Variants in ZNF574 observed in about 807,000 individuals in gnomAD.
ZNF574 encodes zinc finger protein 574.
ZNF574 carries 25 observed loss-of-function variants against 56.6 expected under a neutral mutation model. The observed-to-expected ratio is 0.44, with a 90% CI of 0.32 to 0.62. The LOEUF (loss-of-function observed/expected upper bound fraction) is 0.62, where lower values mean the gene tolerates loss of function less well. Ranked by LOEUF, ZNF574 falls within the 20% of genes least tolerant of loss-of-function variation. The probability of loss-of-function intolerance (pLI) is 0.04; values close to 1 mark genes in which losing one functional copy is unlikely to be tolerated. For synonymous variants in ZNF574, 543 were observed against 492.1 expected, an observed-to-expected ratio of 1.10 and a Z score of -1.37; for missense variants, 1,065 against 1,218.9, an observed-to-expected ratio of 0.87 and a Z score of 1.88.
chr19:42,070,117 T>C (rs1396279120), intron 1 of ZNF574, among the ~76,000 whole-genome samples: 1 of 152,050 alleles, frequency 6.6e-6, no homozygotes, highest in Non-Finnish European at 1.5e-5. Context: ...CCTGCCTCCC[T>C]GCCGCTGGCT....
chr19:42,079,401 G>T lies in ZNF574; in HGVS notation c.795G>T (p.Gln265His), dbSNP rs201304048. 10 of 1,613,660 alleles carry T rather than the reference G, an allele frequency of 6.2e-6. No homozygotes were observed. The Admixed American group carries it at 6.7e-5, about 11-fold the overall frequency. Residue 265 changes from glutamine to histidine, a missense_variant, in exon 2 of 2, where the codon CAG (glutamine) becomes CAT (histidine). Physicochemically the swap from Gln to His is conservative, Grantham distance 24. Transcript: ENST00000359044. This position sits in a 1 kb window ranked among gnomAD's most constrained non-coding sequence, Gnocchi z 4.3. ...CACCTGCAGAGGTGCCTGTGTCTCAGCCTGACCCCTTGCCAGCTTCTGACC... is the reference window on the plus strand; with the variant it reads ...CACCTGCAGAGGTGCCTGTGTCTCATCCTGACCCCTTGCCAGCTTCTGACC... ...ASSPAEVPVS[Q>H]PDPLPASDHS...
chr19:42,070,133 C>T (rs1251888106), intron 1 of ZNF574, among the ~76,000 whole-genome samples: 2 of 152,080 alleles, frequency 1.3e-5, no homozygotes, highest in African/African-American at 4.8e-5. Flanking sequence ...TGGCTGCCGC[C>T]ACCGCTCAGT....
Position 42,081,440 on chromosome 19 carries a change from T to C in ZNF574, c.*143T>C. On this transcript the variant is annotated 3_prime_UTR_variant, in exon 2 of 2. Coordinates refer to ENST00000359044, the MANE Select transcript of ZNF574 (RefSeq NM_022752.6). Reference sequence around the variant, plus strand: ...GTTCTAAATTGGATTTATTCTCTCGTGAGGGGGGTGCTCTGGGGTCCTTGA... The same window carrying C: ...GTTCTAAATTGGATTTATTCTCTCGCGAGGGGGGTGCTCTGGGGTCCTTGA... 8.7e-7 allele frequency: 1 copy of C among 1,146,540 alleles called. No individual in the cohort carries two copies. The highest frequency in any genetic ancestry group is 1.3e-6 in the Non-Finnish European group (1 of 783,066). The allele number at this position is 1,146,540 out of a possible 1,614,324, so 71.0% of individuals were successfully genotyped here. A position where few individuals can be genotyped will look rare whatever the true frequency, so the allele number is the denominator to read the frequency against.
Position 42,079,958 on chromosome 19 carries a change from C to G in ZNF574, c.1352C>G (p.Pro451Arg). ...GGAGAGCCAGAGGCCCCTGAGCCCC[C>G]TGTGTCTGAGGAGACCTCAGCAGGG... ...ETGEPEAPEPPVSEETSAGPA... is the reference protein window; with the variant it reads ...ETGEPEAPEPRVSEETSAGPA... The change falls in exon 2 of 2, where the codon CCT becomes CGT. Residue 451 changes from proline to arginine, a missense_variant. Physicochemically the swap from Pro to Arg is moderately radical, Grantham distance 103 (BLOSUM62 -2). Coordinates refer to ENST00000359044, the MANE Select transcript of ZNF574 (RefSeq NM_022752.6). The surrounding 1 kb of genome is among the most constrained non-coding windows in gnomAD (Gnocchi z 4.3). The G allele has an allele frequency of 6.2e-7, 1 of 1,613,896 alleles. No homozygotes were observed. The highest frequency in any genetic ancestry group is 8.5e-7 in the Non-Finnish European group (1 of 1,180,028).
Position 42,068,958 on chromosome 19 carries a change from CG to C in ZNF574, c.250+1del. On this transcript the variant is annotated frameshift_variant and splice_region_variant, in exon 1 of 2. Transcript: ENST00000222339. LOFTEE classifies it high-confidence loss of function. ...CAGGGGCACGGACATGCCAGGGGCC[CG>C]GGGTAAGTGAGAGCCCAAGTAAGAG... is the stretch of plus-strand genomic sequence containing the variant. The C allele has an allele frequency of 1.6e-6, 1 of 610,200 alleles. No homozygotes were observed. The highest frequency in any genetic ancestry group is 3.0e-6 in the Non-Finnish European group (1 of 337,956). 37.8% of individuals were successfully genotyped at this position (610,200 alleles called of 1,614,324 possible). A position where few individuals can be genotyped will look rare whatever the true frequency, so the allele number is the denominator to read the frequency against.
In ZNF574 at chr19:42,068,840, TG is replaced by T; in HGVS notation, c.133del (p.Asp45ThrfsTer11). On this transcript the variant is annotated frameshift_variant, in exon 1 of 2. Coordinates refer to the ZNF574 transcript ENST00000222339. LOFTEE classifies it high-confidence loss of function. ...TCCAGGAGATAGAGACTGGACGGGG[TG>T]GGGACAGGGCCAAGGCCCACCGCAG... is the stretch of plus-strand genomic sequence containing the variant. 3.0e-6 allele frequency: 2 copies of T among 664,828 alleles called. No individual in the cohort carries two copies. The highest frequency in any genetic ancestry group is 5.5e-6 in the Non-Finnish European group (2 of 365,092). The allele number at this position is 664,828 out of a possible 1,614,324, so 41.2% of individuals were successfully genotyped here.
Position 42,081,375 on chromosome 19 carries a change from T to G in ZNF574, c.*78T>G. ...CAGCATCCCCTTAAGCATCTGTACATACTGTGTCCCTTCCTCTTCCCATCC... is the reference window on the plus strand; with the variant it reads ...CAGCATCCCCTTAAGCATCTGTACAGACTGTGTCCCTTCCTCTTCCCATCC... On this transcript the variant is annotated 3_prime_UTR_variant, in exon 2 of 2. Transcript: ENST00000359044. 1 of 1,554,788 alleles carries G rather than the reference T, an allele frequency of 6.4e-7. No homozygotes were observed. Among genetic ancestry groups the G allele is most frequent in the Non-Finnish European group, 8.9e-7 (1 of 1,127,392 alleles).
At chr19:42,069,569 A>G (rs1008404295) in intron 1 of ZNF574, 1 of 115,254 alleles carries the variant, frequency 8.7e-6, no homozygotes, top group Non-Finnish European at 1.7e-5. Context: ...GTGAAAACGG[A>G]AGGGGGGGGC....
intron 1 of ZNF574, among the ~76,000 whole-genome samples, chr19:42,069,658 G>T (rs1008019441): frequency 6.7e-6 from 1 of 149,356 alleles, no homozygotes; most frequent in Non-Finnish European, 1.5e-5. Flanking sequence ...GGCCTGGGGG[G>T]GCCACAGGGG....
upstream of ZNF574, among the ~76,000 whole-genome samples, chr19:42,072,767 T>C (rs535594072): frequency 2.3e-3 from 344 of 152,314 alleles, 1 homozygote; most frequent in African/African-American, 7.9e-3. Context: ...AGTTTCTCCA[T>C]GTTGGTCAGG....
rs200455234 is a variant in ZNF574, at chr19:42,080,237, C to T, written c.1631C>T (p.Thr544Ile). Residue 544 changes from threonine (T) to isoleucine (I), a missense_variant, in exon 2 of 2, where the codon ACA becomes ATA. Physicochemically the swap from Thr to Ile is moderately conservative, Grantham distance 89 (BLOSUM62 -1). Coordinates refer to ENST00000359044, the MANE Select transcript of ZNF574 (RefSeq NM_022752.6). This position sits in a 1 kb window ranked among gnomAD's most constrained non-coding sequence, Gnocchi z 8.5. ...SPANLARHRL[T>I]HTGERPYRCG... ...GCCAACCTGGCCCGCCACCGGCTCACACACACAGGAGAGCGGCCCTACCGG... is the reference window on the plus strand; with the variant it reads ...GCCAACCTGGCCCGCCACCGGCTCATACACACAGGAGAGCGGCCCTACCGG... 1.1e-5 allele frequency: 18 copies of T among 1,614,112 alleles called. No individual in the cohort carries two copies. In the East Asian group the frequency reaches 4.0e-4, roughly 36 times the overall value.
In ZNF574 at chr19:42,080,985, C is replaced by T; in HGVS notation, c.2379C>T (p.Pro793=). The T allele has an allele frequency of 1.9e-6, 3 of 1,614,214 alleles. No homozygotes were observed. The highest frequency in any genetic ancestry group is 2.2e-5 in the East Asian group (1 of 44,888). The change falls in exon 2 of 2, where the codon CCC becomes CCT. Residue 793 remains proline, a synonymous_variant. Coordinates refer to ENST00000359044, the MANE Select transcript of ZNF574 (RefSeq NM_022752.6). This position sits in a 1 kb window ranked among gnomAD's most constrained non-coding sequence, Gnocchi z 8.5. ...DHRRLHTGER[P]FACEVCGKAF... ...GGCGCCTGCACACAGGTGAGCGGCC[C>T]TTTGCCTGTGAAGTGTGTGGCAAGG... is the stretch of plus-strand genomic sequence containing the variant.
At position 42,081,532 on chromosome 19, in the gene ZNF574, A is replaced by C; in HGVS notation, c.*235A>C. On this transcript the variant is annotated 3_prime_UTR_variant, in exon 2 of 2. Transcript: ENST00000359044. ...GGTGACCCCAAAAATGAAACCATCA[A>C]TAAAGACTGAGTTGCCAGCAGTGTG... 1 of 599,674 alleles carries C rather than the reference A, an allele frequency of 1.7e-6. No individual in the cohort carries two copies. Among genetic ancestry groups the C allele is most frequent in the East Asian group, 3.0e-5 (1 of 33,792 alleles). 37.1% of individuals were successfully genotyped at this position (599,674 alleles called of 1,614,324 possible).
At position 42,080,357 on chromosome 19, in the gene ZNF574, G is replaced by A; in HGVS notation, c.1751G>A (p.Cys584Tyr). 1 of 1,614,222 alleles carries A rather than the reference G, an allele frequency of 6.2e-7. No homozygotes were observed. Among genetic ancestry groups the A allele is most frequent in the Non-Finnish European group, 8.5e-7 (1 of 1,180,022 alleles). The change falls in exon 2 of 2, where the codon TGT (cysteine) becomes TAT (tyrosine). Residue 584 changes from cysteine to tyrosine, a missense_variant. By Grantham distance (194) the Cys-to-Tyr change is radical. Coordinates refer to ENST00000359044, the MANE Select transcript of ZNF574 (RefSeq NM_022752.6). This position sits in a 1 kb window ranked among gnomAD's most constrained non-coding sequence, Gnocchi z 8.5. ...AQHFPYRCQE[C>Y]GVRFHRPYRL... Reference sequence around the variant, plus strand: ...CACTTCCCCTACCGCTGCCAGGAATGTGGGGTGCGTTTTCACCGTCCTTAC... The same window carrying A: ...CACTTCCCCTACCGCTGCCAGGAATATGGGGTGCGTTTTCACCGTCCTTAC...
Position 42,069,925 on chromosome 19 carries a change from G to C in ZNF574, c.250+964G>C, listed in dbSNP as rs889241501. On this transcript the variant is annotated intron_variant, in intron 1 of 1. Coordinates refer to the ZNF574 transcript ENST00000222339. ...CGGAGAGGCCAAGAAGGGGGCAAAT[G>C]AGGTGGAGAGATAGGGAGGAGGGAG... 2.6e-5 allele frequency among the ~76,000 whole-genome samples: 4 copies of C among 152,286 alleles called. No homozygotes were observed. In the East Asian group the frequency reaches 7.7e-4, roughly 29 times the overall value.
upstream of ZNF574, chr19:42,074,552 GATGAAATGGGGCTCAC>G (rs1427451179): frequency 6.6e-6 from 1 of 152,160 alleles, no homozygotes; most frequent in East Asian, 1.9e-4. Flanking sequence ...CCTCACATGA[GATGAAATGGGGCTCAC>G]ATGAAATGGG....
rs577294319 is a variant in ZNF574, at chr19:42,078,642, T to G, written c.36T>G (p.Ile12Met). 6.2e-7 allele frequency: 1 copy of G among 1,613,954 alleles called. No homozygotes were observed. Among genetic ancestry groups the G allele is most frequent in the South Asian group, 1.1e-5 (1 of 91,078 alleles). The change falls in exon 2 of 2, where the codon ATT (isoleucine) becomes ATG (methionine). Residue 12 changes from isoleucine (I) to methionine (M), a missense_variant. By Grantham distance (10) the Ile-to-Met change is conservative (BLOSUM62 1). Coordinates refer to ENST00000359044, the MANE Select transcript of ZNF574 (RefSeq NM_022752.6). ...AATCAGAGGAGACAGTCCTGTACAT[T>G]GAGCACCGCTATGTCTGCTCTGAGT... ...TEESEETVLY[I>M]EHRYVCSECN...
In ZNF574 at chr19:42,078,809, A is replaced by G. The variant is rs143729778; in HGVS notation, c.203A>G (p.Gln68Arg). 794 of 1,613,932 alleles carry G rather than the reference A, an allele frequency of 4.9e-4. No individual in the cohort carries two copies. The highest frequency in any genetic ancestry group is 6.2e-4 in the Non-Finnish European group (731 of 1,179,972). Residue 68 changes from glutamine to arginine, a missense_variant, in exon 2 of 2, where the codon CAG (glutamine) becomes CGG (arginine). Physicochemically the swap from Gln to Arg is conservative, Grantham distance 43. Transcript: ENST00000359044. The part of the protein sequence containing the change: ...TDTASGTGLY[Q>R]TLVQESQYQC... Reference sequence around the variant, plus strand: ...ACAGCTTCAGGCACGGGCCTCTATCAGACCCTTGTGCAGGAGAGCCAGTAC... The same window carrying G: ...ACAGCTTCAGGCACGGGCCTCTATCGGACCCTTGTGCAGGAGAGCCAGTAC...
chr19:42,076,687 G>C (rs1004546224), intron 1 of ZNF574, among the ~76,000 whole-genome samples: 1 of 152,238 alleles, frequency 6.6e-6, no homozygotes, highest in African/African-American at 2.4e-5. Flanking sequence ...GCCCAGTTAG[G>C]GGCTTAGGGC....
Sources: gnomAD v4.1 joint callset for allele counts (sites outside exome capture counted in the v4.1 genomes callset) on GRCh38, gnomAD v4.1.1 for gene constraint, Gnocchi (gnomAD v3.1) non-coding constraint, MANE v1.5 for transcripts, NCBI Gene and HGNC (gene_info 2026-07-23, HGNC 2026-07-21) for gene names.